Variants in ADCY2 observed in about 807,000 individuals in gnomAD.
ADCY2 encodes adenylate cyclase type 2.
Under a neutral mutation model 125.2 loss-of-function variants are expected in ADCY2, and 31 were observed. The ratio of observed to expected loss-of-function variants is 0.25; its 90% CI spans 0.19 to 0.33. ADCY2 has a LOEUF of 0.33. Ranked by LOEUF, ADCY2 falls within the 10% of genes least tolerant of loss-of-function variation. The pLI, the probability that ADCY2 is intolerant of heterozygous loss-of-function variation, is 1.00. For synonymous variants in ADCY2, 512 were observed against 548.4 expected (o/e 0.93, Z 0.93); for missense variants, 904 against 1,418.2 (o/e 0.64, Z 5.82).
At chr5:7,648,607 C>A (rs1031006766) in intron 4 of ADCY2, among the ~76,000 whole-genome samples, 1 of 152,082 alleles carries the variant, frequency 6.6e-6, no homozygotes, top group African/African-American at 2.4e-5. Flanking sequence ...AAAATCCCTG[C>A]GGGGTTAGAA....
chr5:7,708,083 G>C (rs1741321346), intron 9 of ADCY2: 1 of 414,544 alleles, frequency 2.4e-6, no homozygotes, highest in African/African-American at 2.0e-5. Context: ...GCTAGTTCAG[G>C]CTGTCATGTG....
intron 1 of ADCY2, among the ~76,000 whole-genome samples, chr5:7,408,701 A>T (rs1349498002): frequency 6.6e-6 from 1 of 152,142 alleles, no homozygotes; most frequent in Admixed American, 6.6e-5. Context: ...AAAAGCAAAA[A>T]AACAAAAAAC....
At chr5:7,701,658 C>T (rs994993980) in intron 7 of ADCY2, among the ~76,000 whole-genome samples, 4 of 152,278 alleles carry the variant, frequency 2.6e-5, no homozygotes, top group Admixed American at 6.5e-5. Flanking sequence ...CCAATTACCC[C>T]TTCCCCAGCT....
At chr5:7,626,450 C>A in intron 4 of ADCY2, 134 bp downstream of exon 4, 1 of 1,012,394 alleles carries the variant, frequency 9.9e-7, no homozygotes, top group Non-Finnish European at 1.4e-6. Context: ...GGCTCTGCAC[C>A]TGGGGAGTGT....
intron 3 of ADCY2, among the ~76,000 whole-genome samples, chr5:7,545,047 G>A (rs1164626989): frequency 1.3e-5 from 2 of 152,174 alleles, no homozygotes; most frequent in Non-Finnish European, 2.9e-5. Flanking sequence ...AGCGAGCATA[G>A]GAGCAAGATG....
chr5:7,516,919 A>T lies in ADCY2; in HGVS notation c.409-3819A>T, dbSNP rs10077059. Among the ~76,000 whole-genome samples the T allele has an allele frequency of 7.3e-3, 1,104 of 151,952 alleles. 18 individuals are homozygous for T. The highest frequency in any genetic ancestry group is 0.025 in the African/African-American group (1,038 of 41,438). Reference sequence around the variant, plus strand: ...TGGTCTGGAATCCTAAAATGAGAAGACCCTGTTTTTGAGTGTGGCTGTGAG... The same window carrying T: ...TGGTCTGGAATCCTAAAATGAGAAGTCCCTGTTTTTGAGTGTGGCTGTGAG... On this transcript the variant is annotated intron_variant, in intron 2 of 24. Transcript: ENST00000338316.
intron 3 of ADCY2, among the ~76,000 whole-genome samples, chr5:7,612,563 C>A (rs1392324055): frequency 1.3e-5 from 2 of 152,208 alleles, no homozygotes; most frequent in Admixed American, 1.3e-4. Flanking sequence ...AGCAGGAATG[C>A]TGCTGTATTT....
intron 15 of ADCY2, among the ~76,000 whole-genome samples, chr5:7,756,892 A>C (rs1579397075): frequency 6.6e-6 from 1 of 152,016 alleles, no homozygotes. Flanking sequence ...GTGGGAGAAA[A>C]CCCCCACAAG....
intron 3 of ADCY2, among the ~76,000 whole-genome samples, chr5:7,530,289 G>A (rs1160360865): frequency 1.3e-5 from 2 of 152,190 alleles, no homozygotes; most frequent in Admixed American, 1.3e-4. Flanking sequence ...TAGAAATGGT[G>A]TAAAAATGCT....
intron 2 of ADCY2, among the ~76,000 whole-genome samples, chr5:7,453,080 C>A (rs1254524261): frequency 6.6e-6 from 1 of 152,106 alleles, no homozygotes. Flanking sequence ...ATTTCTTTTG[C>A]TGTGCAGAGG....
intron 18 of ADCY2, among the ~76,000 whole-genome samples, chr5:7,775,369 C>T (rs1207837200): frequency 6.6e-6 from 1 of 151,976 alleles, no homozygotes; most frequent in East Asian, 1.9e-4. Flanking sequence ...GCATGAGCCA[C>T]AGCGCCTGGC....
intron 4 of ADCY2, among the ~76,000 whole-genome samples, chr5:7,676,614 T>G (rs556299881): frequency 4.5e-4 from 69 of 152,360 alleles, no homozygotes; most frequent in Middle Eastern, 3.4e-3. Flanking sequence ...AGACAGCTGC[T>G]TCATTTCCAT....
chr5:7,781,631 A>G (rs1242453693), intron 18 of ADCY2, among the ~76,000 whole-genome samples: 1 of 152,196 alleles, frequency 6.6e-6, no homozygotes, highest in East Asian at 1.9e-4. Context: ...CTACTGTCAG[A>G]CTTCTAGCCC....
intron 3 of ADCY2, among the ~76,000 whole-genome samples, chr5:7,588,170 A>G (rs1230066581): frequency 1.3e-5 from 2 of 152,204 alleles, no homozygotes; most frequent in African/African-American, 2.4e-5. Flanking sequence ...AAATATCATA[A>G]AAGAAAGGAT....
rs200123631 is a variant in ADCY2, at chr5:7,666,127, T to C, written c.721-24564T>C. Among the ~76,000 whole-genome samples, 238 of 151,878 alleles carry C rather than the reference T, an allele frequency of 1.6e-3. 3 individuals carry two copies. The East Asian group carries it at 0.026, about 16-fold the overall frequency. On this transcript the variant is annotated intron_variant, in intron 4 of 24. Transcript: ENST00000338316. ...TGCTGGGATTACAGGCGTGAGCCAC[T>C]GCGCCCAGCCCTTATTTAATTCTTA... is the stretch of plus-strand genomic sequence containing the variant.
intron 2 of ADCY2, among the ~76,000 whole-genome samples, chr5:7,416,616 T>A (rs1219538131): frequency 6.6e-6 from 1 of 152,196 alleles, no homozygotes; most frequent in Non-Finnish European, 1.5e-5. Context: ...TCAGATCAAC[T>A]AACAGAACTC....
Position 7,706,914 on chromosome 5 carries a change from C to T in ADCY2, c.1268+12C>T, listed in dbSNP as rs75833689. 1.1e-3 allele frequency: 1,778 copies of T among 1,613,404 alleles called. 23 individuals carry two copies. In the African/African-American group the frequency reaches 0.02, roughly 18 times the overall value. On this transcript the variant is annotated intron_variant, in intron 8 of 24. Transcript: ENST00000338316. The stretch of plus-strand genomic sequence containing the variant: ...GGAGGGGTCCCTGGGTAAGGCCAAG[C>T]ATTGGATTTCTTTCTTCAAGCAGGC...
chr5:7,531,779 T>C (rs1382175790), intron 3 of ADCY2, among the ~76,000 whole-genome samples: 2 of 152,248 alleles, frequency 1.3e-5, no homozygotes, highest in Admixed American at 1.3e-4. Flanking sequence ...GATGATCTCA[T>C]TGCAGCATAC....
intron 10 of ADCY2, among the ~76,000 whole-genome samples, chr5:7,711,935 G>A (rs1482307258): frequency 1.3e-5 from 2 of 152,164 alleles, no homozygotes; most frequent in Non-Finnish European, 2.9e-5. Flanking sequence ...CCTCACTGGA[G>A]TTTTCACTCA....
Sources: gnomAD v4.1 joint callset for allele counts (sites outside exome capture counted in the v4.1 genomes callset) on GRCh38, gnomAD v4.1.1 for gene constraint, MANE v1.5 for transcripts, NCBI Gene and HGNC (gene_info 2026-07-23, HGNC 2026-07-21) for gene names.